HPSE2: variants seen among roughly 807,000 people sequenced by gnomAD.
HPSE2 encodes inactive heparanase-2.
A neutral mutation model predicts 60.5 loss-of-function variants in HPSE2; 38 were observed. The observed-to-expected ratio is 0.63, with a 90% CI of 0.48 to 0.82. The LOEUF (loss-of-function observed/expected upper bound fraction) is 0.82, where lower values mean the gene tolerates loss of function less well. Among genes scored for constraint, HPSE2 ranks in the 40% least tolerant of loss-of-function variants. HPSE2 has a pLI of 0.00. For missense variants in HPSE2, 713 were observed against 740.4 expected (o/e 0.96, Z 0.43); for synonymous variants, 295 against 293.2 (o/e 1.01, Z -0.06).
At chr10:99,100,282 T>A (rs1024727877) in intron 3 of HPSE2, among the ~76,000 whole-genome samples, 6 of 152,064 alleles carry the variant, frequency 3.9e-5, no homozygotes, top group South Asian at 2.1e-4. Context: ...ATAACCAGCA[T>A]AGAGAAGTCC....
chr10:99,159,023 T>G (rs1424263632), intron 2 of HPSE2, among the ~76,000 whole-genome samples: 2 of 152,036 alleles, frequency 1.3e-5, no homozygotes, highest in East Asian at 3.9e-4. Context: ...AGAGAGAAAT[T>G]TTTATCTTTA....
At chr10:98,821,837 G>A (rs1454777456) in intron 3 of HPSE2, among the ~76,000 whole-genome samples, 2 of 152,084 alleles carry the variant, frequency 1.3e-5, no homozygotes, top group African/African-American at 4.8e-5. Context: ...AAACGACTTG[G>A]CTAATCATGC....
chr10:98,566,154 C>T (rs561291298), intron 9 of HPSE2, among the ~76,000 whole-genome samples: 7 of 152,286 alleles, frequency 4.6e-5, no homozygotes, highest in Admixed American at 1.3e-4. Context: ...ATCCTCACAA[C>T]CCTGTGAGGC....
the HPSE2 span, among the ~76,000 whole-genome samples, chr10:99,271,106 A>G: frequency 3.3e-5 from 5 of 152,180 alleles, no homozygotes; most frequent in Admixed American, 3.3e-4. Flanking sequence ...CACCACTTCT[A>G]TTCAACATAA....
chr10:98,985,468 C>T (rs888062869), intron 3 of HPSE2, among the ~76,000 whole-genome samples: 3 of 152,138 alleles, frequency 2.0e-5, no homozygotes, highest in Non-Finnish European at 2.9e-5. Flanking sequence ...ACCAGGCCTG[C>T]CCTAAAACAG....
chr10:98,606,850 CG>C (rs1259899059), intron 9 of HPSE2, among the ~76,000 whole-genome samples: 1 of 152,034 alleles, frequency 6.6e-6, no homozygotes, highest in Admixed American at 6.6e-5. Flanking sequence ...AAAAACATAA[CG>C]TATTATCTTG....
chr10:99,193,379 A>G (rs1848286676), intron 2 of HPSE2, among the ~76,000 whole-genome samples: 1 of 152,162 alleles, frequency 6.6e-6, no homozygotes, highest in Non-Finnish European at 1.5e-5. Context: ...AGAAGACTAC[A>G]AGACAAGTAG....
chr10:99,082,416 G>A (rs1302966491), intron 3 of HPSE2, among the ~76,000 whole-genome samples: 1 of 152,116 alleles, frequency 6.6e-6, no homozygotes, highest in African/African-American at 2.4e-5. Context: ...TCTTTGTTAA[G>A]GCTGAGCACC....
intron 3 of HPSE2, among the ~76,000 whole-genome samples, chr10:99,133,470 G>A (rs1054299312): frequency 3.2e-4 from 49 of 152,166 alleles, no homozygotes; most frequent in Non-Finnish European, 5.7e-4. Flanking sequence ...GGGGCTAACG[G>A]ACACCTCATA....
In HPSE2 at chr10:99,111,317, C is replaced by T. The variant is rs1275720562; in HGVS notation, c.610+32921G>A. ...TCTAGTTCTTTTGTCTTTCCATATACACTTTTATAAGTGAATTCATAATTT... is the reference window on the plus strand; with the variant it reads ...TCTAGTTCTTTTGTCTTTCCATATATACTTTTATAAGTGAATTCATAATTT... On this transcript the variant is annotated intron_variant, in intron 3 of 11. Coordinates refer to ENST00000370552, the MANE Select transcript of HPSE2 (RefSeq NM_021828.5). Among the ~76,000 whole-genome samples, 7 of 152,086 alleles carry T rather than the reference C, an allele frequency of 4.6e-5. No individual in the cohort carries two copies. The South Asian group carries it at 6.2e-4, about 13-fold the overall frequency.
rs1956773747 is a variant in HPSE2, at chr10:99,001,374, A to C, written c.610+142864T>G. 1.3e-5 allele frequency among the ~76,000 whole-genome samples: 2 copies of C among 152,088 alleles called. 1 individual carries two copies. Among genetic ancestry groups the C allele is most frequent in the South Asian group, 4.1e-4 (2 of 4,834 alleles). Reference sequence around the variant, plus strand: ...TTTGACTAAATTTACCAATAAAATAAGCTTGATGGACATGTGCAAAACTCT... The same window carrying C: ...TTTGACTAAATTTACCAATAAAATACGCTTGATGGACATGTGCAAAACTCT... On this transcript the variant is annotated intron_variant, in intron 3 of 11. Coordinates refer to ENST00000370552, the MANE Select transcript of HPSE2 (RefSeq NM_021828.5).
chr10:98,774,592 C>A (rs558281597), intron 3 of HPSE2, among the ~76,000 whole-genome samples: 14 of 152,200 alleles, frequency 9.2e-5, no homozygotes, highest in African/African-American at 3.4e-4. Flanking sequence ...ATCCTCCATT[C>A]CTTCAGTCTT....
intron 3 of HPSE2, among the ~76,000 whole-genome samples, chr10:98,838,481 G>C (rs1208904596): frequency 6.7e-6 from 1 of 149,268 alleles, no homozygotes; most frequent in African/African-American, 2.5e-5. Flanking sequence ...TTTTAGATGG[G>C]GTCTCATCAT....
At chr10:98,976,446 AT>A (rs1415573632) in intron 3 of HPSE2, among the ~76,000 whole-genome samples, 1 of 152,198 alleles carries the variant, frequency 6.6e-6, no homozygotes, top group East Asian at 1.9e-4. Context: ...TGGGGATAGG[AT>A]GAGGGATTTA....
At chr10:98,583,911 T>A (rs565776393) in intron 9 of HPSE2, among the ~76,000 whole-genome samples, 1 of 152,346 alleles carries the variant, frequency 6.6e-6, no homozygotes, top group East Asian at 1.9e-4. Context: ...CACCAGTTGA[T>A]GAACATTTGG....
In HPSE2 at chr10:98,693,924, G is replaced by A. The variant is rs770429077; in HGVS notation, c.980C>T (p.Thr327Ile). Reference sequence around the variant, plus strand: ...CTGTTGCCAGGTAACTGCATCTACTGTACTTCCTGCCACCTTCATGAATCT... The same window carrying A: ...CTGTTGCCAGGTAACTGCATCTACTATACTTCCTGCCACCTTCATGAATCT... ...LDGFMKVAGSTVDAVTWQHCY... is the reference protein window; with the variant it reads ...LDGFMKVAGSIVDAVTWQHCY... The change falls in exon 6 of 12, where the codon ACA becomes ATA. Residue 327 changes from threonine (T) to isoleucine (I), a missense_variant. Coordinates refer to ENST00000370552, the MANE Select transcript of HPSE2 (RefSeq NM_021828.5). 9 of 1,613,018 alleles carry A rather than the reference G, an allele frequency of 5.6e-6. No individual in the cohort carries two copies. Among genetic ancestry groups the A allele is most frequent in the South Asian group, 2.2e-5 (2 of 91,072 alleles).
chr10:98,551,146 C>T lies in HPSE2; in HGVS notation c.1321-60950G>A, dbSNP rs563914207. 4.7e-4 allele frequency among the ~76,000 whole-genome samples: 72 copies of T among 152,130 alleles called. No homozygotes were observed. The South Asian group carries it at 0.01, about 22-fold the overall frequency. ...AAGTGGTATGCAGGGGTCAGTTCAC[C>T]GCAGGCTGTGAGCGTTGTTGGGAAG... is the stretch of plus-strand genomic sequence containing the variant. On this transcript the variant is annotated intron_variant, in intron 9 of 11. Coordinates refer to ENST00000370552, the MANE Select transcript of HPSE2 (RefSeq NM_021828.5).
At chr10:98,560,169 T>C (rs1048845549) in intron 9 of HPSE2, among the ~76,000 whole-genome samples, 1 of 152,146 alleles carries the variant, frequency 6.6e-6, no homozygotes, top group Admixed American at 6.5e-5. Context: ...AGTCGCTTAG[T>C]TTCCCCCTTA....
chr10:98,889,840 T>TG (rs112196209), intron 3 of HPSE2, among the ~76,000 whole-genome samples: 1 of 152,002 alleles, frequency 6.6e-6, no homozygotes, highest in East Asian at 1.9e-4. Flanking sequence ...GAACGGAGGA[T>TG]GGGGGGGATG....
Sources: gnomAD v4.1 joint callset for allele counts (sites outside exome capture counted in the v4.1 genomes callset) on GRCh38, gnomAD v4.1.1 for gene constraint, MANE v1.5 for transcripts, NCBI Gene and HGNC (gene_info 2026-07-23, HGNC 2026-07-21) for gene names.